DNHD1: variants seen among roughly 807,000 people sequenced by gnomAD.
DNHD1 encodes the protein dynein heavy chain domain-containing protein 1.
A neutral mutation model predicts 458.1 loss-of-function variants in DNHD1; 383 were observed. That is an observed-to-expected ratio of 0.84 (90% CI 0.77 to 0.91). The LOEUF is 0.91. DNHD1 is among the 40% of genes least tolerant of loss of function. The probability of loss-of-function intolerance (pLI) is 0.00; values close to 1 mark genes in which losing one functional copy is unlikely to be tolerated. For synonymous variants in DNHD1, 2,203 were observed against 2,376.9 expected, an observed-to-expected ratio of 0.93 and a Z score of 2.13; for missense variants, 5,336 against 5,866.1, an observed-to-expected ratio of 0.91 and a Z score of 2.95.
chr11:6,517,652 C>CTTTTTTTTTTTTT (rs59300977), intron 7 of DNHD1, among the ~76,000 whole-genome samples: 3 of 59,050 alleles, frequency 5.1e-5, no homozygotes, highest in African/African-American at 1.1e-4. Context: ...TCTAGGACTT[C>CTTTTTTTTTTTTT]TTTTTTTTTT....
chr11:6,560,689 G>A (rs1775227709), intron 28 of DNHD1, among the ~76,000 whole-genome samples: 1 of 152,040 alleles, frequency 6.6e-6, no homozygotes, highest in South Asian at 2.1e-4. Flanking sequence ...CAGATCCCTT[G>A]GTCGTTCATT....
chr11:6,568,474 G>T lies in DNHD1; in HGVS notation c.12559G>T (p.Glu4187Ter). 1 of 1,613,782 alleles carries T rather than the reference G, an allele frequency of 6.2e-7. No individual in the cohort carries two copies. ...TCTAGTGGTTGCAGACCTGGAATCA[G>T]AACAGCTTTTAGACCAACCTGAAAG... ...RAKVVADLESEQLLDQPESRN... is the reference protein window; with the variant it reads ...RAKVVADLES Residue 4187 changes from glutamate to a stop codon, truncating the protein, a stop_gained, in exon 38 of 43, where the codon GAA (glutamate) becomes TAA (stop). Coordinates refer to ENST00000254579, the MANE Select transcript of DNHD1 (RefSeq NM_144666.3). LOFTEE classifies it high-confidence loss of function.
chr11:6,530,869 T>G (rs1287345110), intron 12 of DNHD1, among the ~76,000 whole-genome samples: 1 of 152,226 alleles, frequency 6.6e-6, no homozygotes, highest in Non-Finnish European at 1.5e-5. Flanking sequence ...TTCTAGTTTG[T>G]TAGCTTCCTG....
intron 18 of DNHD1, among the ~76,000 whole-genome samples, chr11:6,542,859 G>C (rs1048895511): frequency 1.3e-5 from 2 of 152,204 alleles, no homozygotes; most frequent in Non-Finnish European, 2.9e-5. Context: ...TGCTTTTTAT[G>C]TATCATGTTG....
In DNHD1 at chr11:6,509,065, T is replaced by C. The variant is rs1437079920; in HGVS notation, c.1106T>C (p.Leu369Ser). 2 of 1,614,216 alleles carry C rather than the reference T, an allele frequency of 1.2e-6. No individual in the cohort carries two copies. Among genetic ancestry groups the C allele is most frequent in the Non-Finnish European group, 8.5e-7 (1 of 1,180,030 alleles). ...QFIPFFKYCL[L>S]RKSFTCWKKN... ...ATTCCATTCTTTAAGTATTGCCTCT[T>C]ACGCAAGTCCTTTACCTGGTAGGTA... Residue 369 changes from leucine to serine, a missense_variant, in exon 5 of 43, where the codon TTA becomes TCA. By Grantham distance (145) the Leu-to-Ser change is moderately radical. This residue lies in a region of DNHD1 where 3,932 missense variants were observed against 4,365.6 expected (regional missense o/e 0.90). Coordinates refer to ENST00000254579, the MANE Select transcript of DNHD1 (RefSeq NM_144666.3).
rs537322548 is a variant in DNHD1 at position 6,540,003 on chromosome 11, CAGAGCGCTCCA to C, written c.3553_3563del (p.Arg1185AlafsTer15). On this transcript the variant is annotated frameshift_variant, in exon 18 of 43. Coordinates refer to ENST00000254579, the MANE Select transcript of DNHD1 (RefSeq NM_144666.3). ...CATGTACCCTACGAGCCCCCAGCCTCAGAGCGCTCCAAGAGGCAGGTGCTCCGCAGCCCCCA... is the reference window on the plus strand; with the variant it reads ...CATGTACCCTACGAGCCCCCAGCCTCAGAGGCAGGTGCTCCGCAGCCCCCA... 35 of 1,551,574 alleles carry C rather than the reference CAGAGCGCTCCA, an allele frequency of 2.3e-5. No homozygotes were observed. Among genetic ancestry groups the C allele is most frequent in the Non-Finnish European group, 2.9e-5 (33 of 1,146,838 alleles).
chr11:6,558,884 A>C lies in DNHD1; in HGVS notation c.9212-18A>C, dbSNP rs1853524407. 2.6e-6 allele frequency: 4 copies of C among 1,551,382 alleles called. No homozygotes were observed. Among genetic ancestry groups the C allele is most frequent in the African/African-American group, 2.7e-5 (2 of 73,048 alleles). On this transcript the variant is annotated intron_variant, in intron 26 of 42. Transcript: ENST00000254579. ...CCTACAAGCTCACAGAGTGAGGCTA[A>C]AGCCATGCCCATTGCAGGCTCCTGG...
At position 6,557,064 on chromosome 11, in the gene DNHD1, C is replaced by T; in HGVS notation, c.7769C>T (p.Ser2590Phe). ...PSPLHPHYHF[S>F]LHSVSHLLSS... ...CCCCTCCACCCACACTACCACTTCT[C>T]CCTACACTCTGTGAGCCACCTACTG... The change falls in exon 25 of 43, where the codon TCC becomes TTC. Residue 2590 changes from serine to phenylalanine, a missense_variant. Coordinates refer to ENST00000254579, the MANE Select transcript of DNHD1 (RefSeq NM_144666.3). The T allele has an allele frequency of 6.4e-7, 1 of 1,551,728 alleles. No homozygotes were observed. Among genetic ancestry groups the T allele is most frequent in the Non-Finnish European group, 8.7e-7 (1 of 1,147,006 alleles).
chr11:6,567,526 T>G lies in DNHD1; in HGVS notation c.12017T>G (p.Leu4006Arg). ...CCATTTGTTGGCCTGTGTGCCTCCC[T>G]GGCAGGCCACTCCAGTGCTTGGCAG... Reference protein sequence around the residue: ...LPPFVGLCASLAGHSSAWQAY... With the variant: ...LPPFVGLCASRAGHSSAWQAY... The change falls in exon 36 of 43, where the codon CTG becomes CGG. Residue 4006 changes from leucine (L) to arginine (R), a missense_variant. By Grantham distance (102) the Leu-to-Arg change is moderately radical. Coordinates refer to ENST00000254579, the MANE Select transcript of DNHD1 (RefSeq NM_144666.3). 2 of 1,613,476 alleles carry G rather than the reference T, an allele frequency of 1.2e-6. No individual in the cohort carries two copies. Among genetic ancestry groups the G allele is most frequent in the Non-Finnish European group, 1.7e-6 (2 of 1,179,660 alleles).
Position 6,544,571 on chromosome 11 carries a change from C to T in DNHD1, c.3755-3C>T. On this transcript the variant is annotated splice_region_variant and splice_polypyrimidine_tract_variant and intron_variant, in intron 19 of 42. Transcript: ENST00000254579. Reference sequence around the variant, plus strand: ...ACCAGCATTCCTCTGGCTGCTTACACAGGTGCCCTGCTGGAGGTGTGGCTG... The same window carrying T: ...ACCAGCATTCCTCTGGCTGCTTACATAGGTGCCCTGCTGGAGGTGTGGCTG... The T allele has an allele frequency of 6.4e-7, 1 of 1,550,794 alleles. No homozygotes were observed. The highest frequency in any genetic ancestry group is 8.7e-7 in the Non-Finnish European group (1 of 1,146,360).
chr11:6,568,519 C>T lies in DNHD1; in HGVS notation c.12604C>T (p.His4202Tyr), dbSNP rs779148177. The T allele has an allele frequency of 9.3e-6, 15 of 1,613,884 alleles. No individual in the cohort carries two copies. Among genetic ancestry groups the T allele is most frequent in the Middle Eastern group, 1.6e-4 (1 of 6,084 alleles). ...TGAAAGCAGGAATGTAAGCACTGTT[C>T]ACAGAGATTTTCGTCTTTGGCTTAT... ...QPESRNVSTVHRDFRLWLIVP... is the reference protein window; with the variant it reads ...QPESRNVSTVYRDFRLWLIVP... Residue 4202 changes from histidine (H) to tyrosine (Y), a missense_variant, in exon 38 of 43, where the codon CAC becomes TAC. By Grantham distance (83) the His-to-Tyr change is moderately conservative (BLOSUM62 2). Coordinates refer to ENST00000254579, the MANE Select transcript of DNHD1 (RefSeq NM_144666.3).
intron 13 of DNHD1, among the ~76,000 whole-genome samples, 187 bp from the exon 14 acceptor site, chr11:6,533,494 G>A (rs1264813159): frequency 6.6e-6 from 1 of 152,168 alleles, no homozygotes; most frequent in Non-Finnish European, 1.5e-5. Flanking sequence ...GAGAGATCTG[G>A]GTCAGAGAGA....
chr11:6,554,635 C>A (rs1490836753), intron 24 of DNHD1, among the ~76,000 whole-genome samples: 3 of 152,168 alleles, frequency 2.0e-5, no homozygotes, highest in African/African-American at 7.2e-5. Context: ...AAAAGACTTA[C>A]ACTTCACAAA....
At chr11:6,566,546 G>C (rs1482852405) in intron 34 of DNHD1, 41 bp from the exon 35 acceptor site, 1 of 1,606,980 alleles carries the variant, frequency 6.2e-7, no homozygotes. Flanking sequence ...CCCTGGCTCT[G>C]CCAAGGGGAA....
At position 6,547,517 on chromosome 11, in the gene DNHD1, T is replaced by A; in HGVS notation, c.6578T>A (p.Leu2193His). 6.4e-7 allele frequency: 1 copy of A among 1,551,106 alleles called. No individual in the cohort carries two copies. The highest frequency in any genetic ancestry group is 8.7e-7 in the Non-Finnish European group (1 of 1,146,460). Reference protein sequence around the residue: ...EVLVPATLRFLTCQGVSSLLQ... With the variant: ...EVLVPATLRFHTCQGVSSLLQ... ...CTGGTGCCTGCAACATTGCGATTCCTCACCTGCCAAGGTGTCAGCTCTCTG... is the reference window on the plus strand; with the variant it reads ...CTGGTGCCTGCAACATTGCGATTCCACACCTGCCAAGGTGTCAGCTCTCTG... Residue 2193 changes from leucine to histidine, a missense_variant, in exon 21 of 43, where the codon CTC becomes CAC. Coordinates refer to ENST00000254579, the MANE Select transcript of DNHD1 (RefSeq NM_144666.3).
chr11:6,503,155 AT>A, intron 4 of DNHD1: 1 of 482,440 alleles, frequency 2.1e-6, no homozygotes, highest in Non-Finnish European at 3.6e-6. Flanking sequence ...TGTCTTACAC[AT>A]CCTTTTCTCA....
intron 20 of DNHD1, 34 bp downstream of exon 20, chr11:6,544,705 AG>A: frequency 2.6e-6 from 4 of 1,547,092 alleles, no homozygotes; most frequent in Non-Finnish European, 3.5e-6. Flanking sequence ...GAGGGCAAGA[AG>A]GGTTCCTGAA....
At chr11:6,501,486 GAAGA>G (rs1428742802) in intron 3 of DNHD1, among the ~76,000 whole-genome samples, 1 of 152,126 alleles carries the variant, frequency 6.6e-6, no homozygotes, top group Non-Finnish European at 1.5e-5. Flanking sequence ...ATCTTACAGA[GAAGA>G]AAGGATACCT....
chr11:6,501,348 G>C (rs780497031), intron 3 of DNHD1, among the ~76,000 whole-genome samples: 49 of 150,498 alleles, frequency 3.3e-4, no homozygotes, highest in Non-Finnish European at 4.6e-4. Context: ...CCTTAACACA[G>C]TGCTTGAGAA....
Sources: allele counts gnomAD v4.1 joint callset (sites outside exome capture counted in the v4.1 genomes callset), GRCh38; gene constraint gnomAD v4.1.1; regional missense constraint gnomAD v4.1.1; transcripts MANE v1.5; gene names NCBI Gene and HGNC (gene_info 2026-07-23, HGNC 2026-07-21).